The following TSPEAR variants were observed in gnomAD, a reference collection of about 807,000 sequenced individuals.
TSPEAR encodes thrombospondin type laminin G domain and EAR repeats, also known as thrombospondin-type laminin G domain and EAR repeat-containing protein.
In TSPEAR, 69 loss-of-function variants were observed where a neutral mutation model predicts 71.6. The ratio of observed to expected loss-of-function variants is 0.96; its 90% CI spans 0.79 to 1.18. TSPEAR has a LOEUF of 1.18. Ranked by LOEUF, TSPEAR falls within the 50% of genes most tolerant of loss-of-function variation. The pLI, the probability that TSPEAR is intolerant of heterozygous loss-of-function variation, is 0.00. For missense variants in TSPEAR, 971 were observed against 894.9 expected (o/e 1.09, Z -1.09); for synonymous variants, 402 against 387.2 (o/e 1.04, Z -0.45).
At chr21:44,596,221 C>T (rs390630) in intron 1 of TSPEAR, among the ~76,000 whole-genome samples, 31,454 of 152,056 alleles carry the variant, frequency 0.21, 6,397 homozygotes, top group African/African-American at 0.53. Context: ...GCGGCCTCAA[C>T]GGGCAGCTCG....
chr21:44,674,389 A>G (rs1409787514), intron 1 of TSPEAR, among the ~76,000 whole-genome samples: 1 of 152,066 alleles, frequency 6.6e-6, no homozygotes, highest in African/African-American at 2.4e-5. Context: ...CAGAAATGAA[A>G]AAGGAGACAT....
chr21:44,539,627 G>T (rs1555916880), intron 2 of TSPEAR: 2 of 1,613,752 alleles, frequency 1.2e-6, no homozygotes, highest in Middle Eastern at 1.6e-4. Flanking sequence ...GGGGGAGGAG[G>T]TGCAGCAAGC....
chr21:44,564,716 C>T (rs587692477), intron 2 of TSPEAR, among the ~76,000 whole-genome samples: 14 of 152,156 alleles, frequency 9.2e-5, no homozygotes, highest in Admixed American at 2.6e-4. Flanking sequence ...TTTCAACAAA[C>T]GGATAGAATA....
intron 1 of TSPEAR, among the ~76,000 whole-genome samples, chr21:44,620,200 C>G (rs1239219178): frequency 6.6e-6 from 1 of 152,164 alleles, no homozygotes; most frequent in Non-Finnish European, 1.5e-5. Context: ...CACCCAACAA[C>G]CAAAAAGACG....
At chr21:44,599,067 T>A (rs1297826904) in intron 1 of TSPEAR, among the ~76,000 whole-genome samples, 1 of 151,890 alleles carries the variant, frequency 6.6e-6, no homozygotes, top group African/African-American at 2.4e-5. Flanking sequence ...GCTTTTCAAG[T>A]TGTTCTCAGC....
intron 8 of TSPEAR, among the ~76,000 whole-genome samples, chr21:44,523,821 T>C (rs199696329): frequency 1.8e-4 from 26 of 142,336 alleles, no homozygotes; most frequent in East Asian, 1.4e-3. Context: ...GTCAGTCAGT[T>C]AGTCAGGTAA....
chr21:44,600,292 T>G (rs1459071409), intron 1 of TSPEAR, among the ~76,000 whole-genome samples: 1 of 147,572 alleles, frequency 6.8e-6, no homozygotes, highest in Non-Finnish European at 1.5e-5. Context: ...CCTGGGACAC[T>G]CTATTTGCAG....
At chr21:44,627,308 T>C (rs1982879440) in intron 1 of TSPEAR, 1 of 1,612,780 alleles carries the variant, frequency 6.2e-7, no homozygotes, top group Non-Finnish European at 8.5e-7. Context: ...CTGACCCTGG[T>C]CTGCACCCCA....
intron 2 of TSPEAR, among the ~76,000 whole-genome samples, chr21:44,556,910 G>C (rs1313655329): frequency 6.6e-6 from 1 of 152,146 alleles, no homozygotes; most frequent in Non-Finnish European, 1.5e-5. Context: ...CGGCCACCTC[G>C]TGAAAGCTTT....
At chr21:44,652,633 CAG>C in intron 1 of TSPEAR, among the ~76,000 whole-genome samples, 1 of 152,258 alleles carries the variant, frequency 6.6e-6, no homozygotes, top group South Asian at 2.1e-4. Context: ...GTAACCCATA[CAG>C]AGTCTATACT....
At chr21:44,709,703 A>G (rs1361620519) in intron 1 of TSPEAR, among the ~76,000 whole-genome samples, 1 of 152,234 alleles carries the variant, frequency 6.6e-6, no homozygotes, top group Non-Finnish European at 1.5e-5. Context: ...TCACGCGCAC[A>G]GCGACACAGC....
rs1298949752 is a variant in TSPEAR at position 44,695,173 on chromosome 21, T to C, written c.82+16260A>G. Among the ~76,000 whole-genome samples the C allele has an allele frequency of 6.6e-6, 1 of 152,150 alleles. No individual in the cohort carries two copies. Among genetic ancestry groups the C allele is most frequent in the African/African-American group, 2.4e-5 (1 of 41,420 alleles). On this transcript the variant is annotated intron_variant, in intron 1 of 11. Transcript: ENST00000323084. This position sits in a 1 kb window ranked among gnomAD's most constrained non-coding sequence, Gnocchi z 4.5. ...TGCCCTCCAAACTGTGGGGAACCTA[T>C]CCAGCCTCCCCCGACCCCACCCCAA...
chr21:44,522,439 C>T (rs1168604958), intron 8 of TSPEAR, among the ~76,000 whole-genome samples: 1 of 152,208 alleles, frequency 6.6e-6, no homozygotes, highest in Non-Finnish European at 1.5e-5. Context: ...CCACGGCTCT[C>T]CAGCATCCCC....
At chr21:44,592,439 C>G in intron 1 of TSPEAR, 2 of 1,606,504 alleles carry the variant, frequency 1.2e-6, no homozygotes, top group East Asian at 2.2e-5. Flanking sequence ...ACGCGGCTGC[C>G]GTAGCTCAGG....
intron 1 of TSPEAR, among the ~76,000 whole-genome samples, chr21:44,656,571 G>T (rs1985159584): frequency 6.6e-6 from 1 of 152,182 alleles, no homozygotes; most frequent in Non-Finnish European, 1.5e-5. Flanking sequence ...TACCTTGTAT[G>T]AGAAGTGTCT....
chr21:44,512,536 CAGGTGGCAGGAGCGTAGGGTGG>C (rs1428846557), intron 9 of TSPEAR, among the ~76,000 whole-genome samples: 1 of 152,084 alleles, frequency 6.6e-6, no homozygotes, highest in Admixed American at 6.5e-5. Context: ...TGGGGAGGGG[CAGGTGGCAGGAGCGTAGGGTGG>C]AGGTGGCGGT....
chr21:44,639,752 G>C (rs1428925587), intron 1 of TSPEAR, among the ~76,000 whole-genome samples: 1 of 152,184 alleles, frequency 6.6e-6, no homozygotes, highest in Non-Finnish European at 1.5e-5. Context: ...GGTCAGAACA[G>C]AGAGCCAGGA....
At chr21:44,524,146 G>C (rs915174739) in intron 8 of TSPEAR, among the ~76,000 whole-genome samples, 9 of 151,680 alleles carry the variant, frequency 5.9e-5, no homozygotes, top group Non-Finnish European at 1.0e-4. Flanking sequence ...GAGGTAGTCA[G>C]TCAGCTAGTC....
intron 1 of TSPEAR, among the ~76,000 whole-genome samples, chr21:44,683,663 C>G (rs782691858): frequency 6.7e-6 from 1 of 148,928 alleles, no homozygotes; most frequent in Non-Finnish European, 1.5e-5. Context: ...AGCAAGACCC[C>G]GTCTCAAAAA....
Sources: gnomAD v4.1 joint callset for allele counts (sites outside exome capture counted in the v4.1 genomes callset) on GRCh38, gnomAD v4.1.1 for gene constraint, Gnocchi (gnomAD v3.1) non-coding constraint, MANE v1.5 for transcripts, NCBI Gene and HGNC (gene_info 2026-07-23, HGNC 2026-07-21) for gene names.